Variants in LHFPL3 observed in about 807,000 individuals in gnomAD.
LHFPL3 encodes LHFPL tetraspan subfamily member 3 protein.
A neutral mutation model predicts 19.3 loss-of-function variants in LHFPL3; 5 were observed. That is an observed-to-expected ratio of 0.26 (90% CI 0.14 to 0.54). The LOEUF (loss-of-function observed/expected upper bound fraction) is 0.54, where lower values mean the gene tolerates loss of function less well. LHFPL3 is among the 20% of genes least tolerant of loss of function. The pLI is 0.94. For missense variants in LHFPL3, 249 were observed against 307.4 expected (o/e 0.81, Z 1.42); for synonymous variants, 133 against 126.2 (o/e 1.05, Z -0.36).
At chr7:104,595,329 A>G (rs1021900089) in intron 1 of LHFPL3, among the ~76,000 whole-genome samples, 1 of 152,212 alleles carries the variant, frequency 6.6e-6, no homozygotes, top group Non-Finnish European at 1.5e-5. Flanking sequence ...AGTTTGCTGG[A>G]GTTCCACTCC....
Position 104,565,737 on chromosome 7 carries a change from ATCTATC to A in LHFPL3, c.446-170936_446-170931del, listed in dbSNP as rs1562936685. Among the ~76,000 whole-genome samples, 22 of 146,278 alleles carry A rather than the reference ATCTATC, an allele frequency of 1.5e-4. No homozygotes were observed. The East Asian group carries it at 4.4e-3, about 29-fold the overall frequency. ...TGTCTGTCTGTCTATCTATCTATCT[ATCTATC>A]TATCTATCTATCTATCTATCTATCT... On this transcript the variant is annotated intron_variant, in intron 1 of 2. Coordinates refer to ENST00000424859, the MANE Select transcript of LHFPL3 (RefSeq NM_199000.3).
intron 1 of LHFPL3, among the ~76,000 whole-genome samples, chr7:104,374,745 A>T (rs79628414): frequency 4.5e-4 from 68 of 152,314 alleles, no homozygotes; most frequent in African/African-American, 1.6e-3. Flanking sequence ...GACCAATGTT[A>T]TGTGAATGAT....
At chr7:104,497,559 G>T (rs987929116) in intron 1 of LHFPL3, among the ~76,000 whole-genome samples, 2 of 151,664 alleles carry the variant, frequency 1.3e-5, no homozygotes, top group African/African-American at 2.4e-5. Flanking sequence ...CATTTTGGGG[G>T]TGAAATCTCA....
At chr7:104,538,955 T>G (rs996604045) in intron 1 of LHFPL3, among the ~76,000 whole-genome samples, 4 of 152,182 alleles carry the variant, frequency 2.6e-5, no homozygotes, top group African/African-American at 9.6e-5. Context: ...GATGTGACTG[T>G]GGAAGAATGG....
chr7:104,806,755 G>C (rs183544792), intron 2 of LHFPL3, among the ~76,000 whole-genome samples: 102 of 152,262 alleles, frequency 6.7e-4, no homozygotes, highest in Admixed American at 2.9e-3. Context: ...CCCCTGTGAG[G>C]CTGGGTCATG....
At chr7:104,623,308 CT>C (rs1791483131) in intron 1 of LHFPL3, among the ~76,000 whole-genome samples, 1 of 151,594 alleles carries the variant, frequency 6.6e-6, no homozygotes, top group South Asian at 2.1e-4. Context: ...GCCATATTTT[CT>C]GAGTAACTTC....
At chr7:104,648,494 T>C (rs1394089106) in intron 1 of LHFPL3, among the ~76,000 whole-genome samples, 1 of 152,198 alleles carries the variant, frequency 6.6e-6, no homozygotes, top group Non-Finnish European at 1.5e-5. Flanking sequence ...CAAGAAACTG[T>C]GGTATTATTT....
At position 104,453,034 on chromosome 7, in the gene LHFPL3, G is replaced by T. The variant is rs143146341; in HGVS notation, c.445+123810G>T. Among the ~76,000 whole-genome samples, 1,378 of 152,202 alleles carry T rather than the reference G, an allele frequency of 9.1e-3. 7 individuals carry two copies. The highest frequency in any genetic ancestry group is 0.024 in the Middle Eastern group (7 of 294). Reference sequence around the variant, plus strand: ...GCTTATATACAGAAAGAACAGCCCTGTGTCTGTCATATGTATTTCAAATTC... The same window carrying T: ...GCTTATATACAGAAAGAACAGCCCTTTGTCTGTCATATGTATTTCAAATTC... On this transcript the variant is annotated intron_variant, in intron 1 of 2. Coordinates refer to ENST00000424859, the MANE Select transcript of LHFPL3 (RefSeq NM_199000.3).
At chr7:104,689,643 A>G (rs1387349929) in intron 1 of LHFPL3, among the ~76,000 whole-genome samples, 2 of 152,190 alleles carry the variant, frequency 1.3e-5, no homozygotes, top group African/African-American at 4.8e-5. Context: ...CAAGACCTCC[A>G]GCCTTTTAGC....
At chr7:104,857,794 T>C (rs1791537551) in intron 2 of LHFPL3, among the ~76,000 whole-genome samples, 2 of 152,152 alleles carry the variant, frequency 1.3e-5, no homozygotes, top group African/African-American at 4.8e-5. Context: ...ATGGTAAAAT[T>C]TACTGAGCTC....
chr7:104,576,818 G>A (rs929454013), intron 1 of LHFPL3, among the ~76,000 whole-genome samples: 2 of 152,112 alleles, frequency 1.3e-5, no homozygotes, highest in South Asian at 4.1e-4. Flanking sequence ...AAAAAGGAAA[G>A]TATTACCGCC....
intron 1 of LHFPL3, among the ~76,000 whole-genome samples, chr7:104,449,442 GTAAA>G (rs903513101): frequency 2.0e-5 from 3 of 152,116 alleles, no homozygotes; most frequent in Non-Finnish European, 4.4e-5. Flanking sequence ...TTATTTATAA[GTAAA>G]TAAATAATTT....
At chr7:104,587,852 G>A (rs913143064) in intron 1 of LHFPL3, among the ~76,000 whole-genome samples, 2 of 152,104 alleles carry the variant, frequency 1.3e-5, no homozygotes, top group Non-Finnish European at 2.9e-5. Flanking sequence ...GTTTTGATTT[G>A]CATTTCTCTG....
chr7:104,668,262 G>C (rs1479037390), intron 1 of LHFPL3: 1 of 1,610,800 alleles, frequency 6.2e-7, no homozygotes, highest in South Asian at 1.1e-5. Context: ...GGACGTTGCT[G>C]ATCAAGCACT....
intron 2 of LHFPL3, among the ~76,000 whole-genome samples, chr7:104,765,078 G>A (rs1268060097): frequency 1.3e-5 from 2 of 152,176 alleles, no homozygotes; most frequent in South Asian, 2.1e-4. Context: ...CTTATCTTGT[G>A]TTCTAAAAGA....
chr7:104,674,378 T>C (rs1440343639), intron 1 of LHFPL3, among the ~76,000 whole-genome samples: 51 of 139,416 alleles, frequency 3.7e-4, no homozygotes, highest in Middle Eastern at 3.7e-3. Flanking sequence ...TTTTCTTTTT[T>C]TTTTTTTTTT....
At chr7:104,367,062 TG>T (rs1790508802) in intron 1 of LHFPL3, among the ~76,000 whole-genome samples, 1 of 152,202 alleles carries the variant, frequency 6.6e-6, no homozygotes, top group Admixed American at 6.5e-5. Context: ...CCGGACTGCA[TG>T]GGGCCCTCTG....
At chr7:104,791,179 G>A (rs1279605292) in intron 2 of LHFPL3, among the ~76,000 whole-genome samples, 3 of 152,180 alleles carry the variant, frequency 2.0e-5, no homozygotes, top group Non-Finnish European at 4.4e-5. Flanking sequence ...GTTCTGGACT[G>A]TGGGGAGGAG....
chr7:104,728,282 G>A (rs191937541), intron 1 of LHFPL3, among the ~76,000 whole-genome samples: 17 of 152,168 alleles, frequency 1.1e-4, no homozygotes, highest in Admixed American at 2.0e-4. Flanking sequence ...AGTAAGTTGC[G>A]GTAAGGCAAG....
Sources: allele counts gnomAD v4.1 joint callset (sites outside exome capture counted in the v4.1 genomes callset), GRCh38; gene constraint gnomAD v4.1.1; transcripts MANE v1.5; gene names NCBI Gene and HGNC (gene_info 2026-07-23, HGNC 2026-07-21).